Variants in RELN observed in about 807,000 individuals in gnomAD.
RELN encodes the protein reelin.
RELN carries 108 observed loss-of-function variants against 427.6 expected under a neutral mutation model. The ratio of observed to expected loss-of-function variants is 0.25; its 90% CI spans 0.22 to 0.30. RELN has a LOEUF of 0.30. Ranked by LOEUF, RELN falls within the 10% of genes least tolerant of loss-of-function variation. The probability of loss-of-function intolerance (pLI) is 1.00; values close to 1 mark genes in which losing one functional copy is unlikely to be tolerated. For synonymous variants in RELN, 1,524 were observed against 1,513.4 expected (o/e 1.01, Z -0.16); for missense variants, 3,715 against 4,302.8 (o/e 0.86, Z 3.82).
At chr7:103,750,211 C>A (rs1790962838) in intron 5 of RELN, among the ~76,000 whole-genome samples, 1 of 152,182 alleles carries the variant, frequency 6.6e-6, no homozygotes, top group South Asian at 2.1e-4. Context: ...CTCCTGACCT[C>A]AGGTGATCCA....
intron 11 of RELN, among the ~76,000 whole-genome samples, chr7:103,663,469 C>T (rs1833188512): frequency 6.6e-6 from 1 of 152,174 alleles, no homozygotes; most frequent in South Asian, 2.1e-4. Context: ...CACATCCTTG[C>T]CCTGTCCTCT....
At chr7:103,681,538 A>G (rs932790377) in intron 11 of RELN, among the ~76,000 whole-genome samples, 2 of 152,130 alleles carry the variant, frequency 1.3e-5, no homozygotes, top group African/African-American at 2.4e-5. Flanking sequence ...TTAGTAGGAT[A>G]TATCTTAGGG....
At chr7:103,520,321 G>T (rs913258577) in intron 48 of RELN, among the ~76,000 whole-genome samples, 4 of 152,176 alleles carry the variant, frequency 2.6e-5, no homozygotes, top group Non-Finnish European at 5.9e-5. Flanking sequence ...AGACAGTCTG[G>T]CTGGAGTGCA....
chr7:103,474,083 G>T (rs1827948030), intron 64 of RELN, among the ~76,000 whole-genome samples: 1 of 152,020 alleles, frequency 6.6e-6, no homozygotes, highest in South Asian at 2.1e-4. Flanking sequence ...GGTGTAAAAT[G>T]ATATTTTACC....
At chr7:103,983,647 T>G (rs1419171645) in intron 1 of RELN, among the ~76,000 whole-genome samples, 1 of 152,172 alleles carries the variant, frequency 6.6e-6, no homozygotes, top group Non-Finnish European at 1.5e-5. Context: ...AGAGGGTGGA[T>G]TAATCACCCC....
rs186629506 is a variant in RELN at position 103,774,363 on chromosome 7, C to T, written c.544+2194G>A. Among the ~76,000 whole-genome samples the T allele has an allele frequency of 1.6e-4, 25 of 151,974 alleles. No individual in the cohort carries two copies. The East Asian group carries it at 4.8e-3, about 29-fold the overall frequency. ...AGAAAAGGGATTAAGATTACAGACC[C>T]TCTAAGACATAATGAGTACATTTTC... On this transcript the variant is annotated intron_variant, in intron 4 of 64. Coordinates refer to ENST00000428762, the MANE Select transcript of RELN (RefSeq NM_005045.4).
chr7:103,881,036 G>A (rs1427179359), intron 2 of RELN, among the ~76,000 whole-genome samples: 1 of 152,062 alleles, frequency 6.6e-6, no homozygotes, highest in East Asian at 1.9e-4. Context: ...TAATATTAAA[G>A]CATGCCAAGG....
intron 3 of RELN, among the ~76,000 whole-genome samples, chr7:103,829,327 C>T (rs2116396492): frequency 1.3e-5 from 2 of 151,744 alleles, no homozygotes; most frequent in Admixed American, 1.3e-4. Context: ...CTCCTCTCCT[C>T]CTCCTTCTCC....
intron 8 of RELN, among the ~76,000 whole-genome samples, chr7:103,720,974 T>G (rs115268597): frequency 0.029 from 4,489 of 152,276 alleles, 145 homozygotes; most frequent in African/African-American, 0.078. Context: ...TTCTTTGCCA[T>G]TCTAACTCTT....
chr7:103,472,599 A>G lies in RELN; in HGVS notation c.*213T>C. ...AACAGATCACAACTTTCACGGACAC[A>G]TCAACATGAAGACATTTACTTATGA... On this transcript the variant is annotated 3_prime_UTR_variant, in exon 65 of 65. Transcript: ENST00000428762. 2 of 552,164 alleles carry G rather than the reference A, an allele frequency of 3.6e-6. No individual in the cohort carries two copies. The highest frequency in any genetic ancestry group is 3.1e-5 in the East Asian group (1 of 31,778). The allele number at this position is 552,164 out of a possible 1,614,324, so 34.2% of individuals were successfully genotyped here.
intron 2 of RELN, among the ~76,000 whole-genome samples, chr7:103,911,527 T>C (rs1186853574): frequency 3.4e-5 from 5 of 148,272 alleles, no homozygotes; most frequent in Non-Finnish European, 5.9e-5. Flanking sequence ...TGACTATAAA[T>C]CATGCTGCTA....
chr7:103,553,288 A>G lies in RELN; in HGVS notation c.6072+173T>C, dbSNP rs190912606. On this transcript the variant is annotated intron_variant, in intron 40 of 64. Coordinates refer to ENST00000428762, the MANE Select transcript of RELN (RefSeq NM_005045.4). Reference sequence around the variant, plus strand: ...GGATAATAATTCAGAAATAAACCTTAGTATGACAATTGGCTCTGTTAATAA... The same window carrying G: ...GGATAATAATTCAGAAATAAACCTTGGTATGACAATTGGCTCTGTTAATAA... Among the ~76,000 whole-genome samples, 15 of 152,358 alleles carry G rather than the reference A, an allele frequency of 9.8e-5. No homozygotes were observed. The East Asian group carries it at 2.9e-3, about 29-fold the overall frequency.
chr7:103,592,899 C>T (rs1486981889), intron 27 of RELN, among the ~76,000 whole-genome samples: 1 of 152,162 alleles, frequency 6.6e-6, no homozygotes, highest in African/African-American at 2.4e-5. Flanking sequence ...GGAAGGGTTA[C>T]ATTTTACTAA....
chr7:103,515,290 C>T lies in RELN; in HGVS notation c.8014G>A (p.Asp2672Asn). 6.2e-7 allele frequency: 1 copy of T among 1,614,150 alleles called. No homozygotes were observed. The highest frequency in any genetic ancestry group is 1.3e-5 in the African/African-American group (1 of 75,056). Residue 2672 changes from aspartate (D) to asparagine (N), a missense_variant, in exon 50 of 65, where the codon GAC becomes AAC. Transcript: ENST00000428762. ...GSADQRTVML[D>N]TFSSAPVPQH... ...GGTACTGGGGCGCTGCTGAAGGTGT[C>T]CAGCATAACGGTCCTTTGGTCAGCA...
intron 22 of RELN, 28 bp from the exon 23 acceptor site, chr7:103,604,511 A>C (rs1209238366): frequency 1.2e-6 from 2 of 1,613,282 alleles, no homozygotes; most frequent in Non-Finnish European, 1.7e-6. Context: ...TATAACAAAA[A>C]CGGTTTCAAC....
intron 6 of RELN, among the ~76,000 whole-genome samples, chr7:103,741,791 A>AG (rs1248642852): frequency 7.1e-6 from 1 of 141,360 alleles, no homozygotes; most frequent in African/African-American, 3.0e-5. Flanking sequence ...CAATGCTGCA[A>AG]GAAGATATTT....
intron 6 of RELN, among the ~76,000 whole-genome samples, chr7:103,736,988 AAG>A (rs1412248378): frequency 6.6e-6 from 1 of 152,202 alleles, no homozygotes; most frequent in African/African-American, 2.4e-5. Flanking sequence ...TTATTAACAA[AAG>A]AGAAGAAAAA....
chr7:103,762,545 G>A (rs1791328219), intron 4 of RELN, among the ~76,000 whole-genome samples: 1 of 152,172 alleles, frequency 6.6e-6, no homozygotes. Context: ...AAATTCCTGT[G>A]AGTAGAGAGA....
At chr7:103,513,085 C>T (rs1829468683) in intron 50 of RELN, 1 of 152,174 alleles carries the variant, frequency 6.6e-6, no homozygotes, top group Non-Finnish European at 1.5e-5. Flanking sequence ...ACTCAAGAGT[C>T]AAAGTGCACA....
Sources: allele counts gnomAD v4.1 joint callset (sites outside exome capture counted in the v4.1 genomes callset), GRCh38; gene constraint gnomAD v4.1.1; transcripts MANE v1.5; gene names NCBI Gene and HGNC (gene_info 2026-07-23, HGNC 2026-07-21).